Variants in ZZEF1 observed in about 807,000 individuals in gnomAD.
ZZEF1 encodes zinc finger ZZ-type and EF-hand domain-containing protein 1.
A neutral mutation model predicts 342.8 loss-of-function variants in ZZEF1; 157 were observed. That is an observed-to-expected ratio of 0.46 (90% CI 0.40 to 0.52). The LOEUF (loss-of-function observed/expected upper bound fraction) is 0.52, where lower values mean the gene tolerates loss of function less well. Ranked by LOEUF, ZZEF1 falls within the 20% of genes least tolerant of loss-of-function variation. The pLI is 0.00. For synonymous variants in ZZEF1, 1,505 were observed against 1,429.1 expected, an observed-to-expected ratio of 1.05 and a Z score of -1.20; for missense variants, 3,480 against 3,725.6, an observed-to-expected ratio of 0.93 and a Z score of 1.72.
chr17:4,015,604 A>C (rs2144948251), intron 49 of ZZEF1, among the ~76,000 whole-genome samples: 1 of 152,338 alleles, frequency 6.6e-6, no homozygotes, highest in Non-Finnish European at 1.5e-5. Flanking sequence ...GTCTCTACTA[A>C]AAATACAAAA....
intron 37 of ZZEF1, 96 bp downstream of exon 37, chr17:4,049,612 G>A: frequency 6.8e-7 from 1 of 1,464,184 alleles, no homozygotes; most frequent in Non-Finnish European, 9.3e-7. Context: ...TGGGTTAGGA[G>A]TCTGTGCTCT....
chr17:4,016,500 G>A lies in ZZEF1; in HGVS notation c.8002-34C>T, dbSNP rs766671344. 5.7e-6 allele frequency: 9 copies of A among 1,578,004 alleles called. No individual in the cohort carries two copies. The highest frequency in any genetic ancestry group is 2.3e-5 in the South Asian group (2 of 87,060). ...AAGCAGACAGATAAGGTCAGGGCCTGCAAGTGGCATCAGGAAGAAGGGACA... is the reference window on the plus strand; with the variant it reads ...AAGCAGACAGATAAGGTCAGGGCCTACAAGTGGCATCAGGAAGAAGGGACA... On this transcript the variant is annotated intron_variant, in intron 48 of 54. Coordinates refer to ENST00000381638, the MANE Select transcript of ZZEF1 (RefSeq NM_015113.4). This position sits in a 1 kb window ranked among gnomAD's most constrained non-coding sequence, Gnocchi z 4.4.
chr17:4,102,876 T>G (rs1157688067), intron 8 of ZZEF1, among the ~76,000 whole-genome samples: 1 of 151,910 alleles, frequency 6.6e-6, no homozygotes. Context: ...TTCAGAACAC[T>G]TGGCTTTGGC....
At chr17:4,048,386 C>A (rs2056971535) in intron 37 of ZZEF1, among the ~76,000 whole-genome samples, 1 of 152,184 alleles carries the variant, frequency 6.6e-6, no homozygotes, top group Non-Finnish European at 1.5e-5. Flanking sequence ...TGAGCTACAA[C>A]CACCAGATGG....
Position 4,022,844 on chromosome 17 carries a change from A to G in ZZEF1, c.7093-16T>C, listed in dbSNP as rs1479823946. 15 of 1,613,206 alleles carry G rather than the reference A, an allele frequency of 9.3e-6. No homozygotes were observed. In the South Asian group the frequency reaches 1.5e-4, roughly 17 times the overall value. The stretch of plus-strand genomic sequence containing the variant: ...AACCGTGAGCCTGCCAAGCAGAAGA[A>G]GAATGATGTGTGACTGCCTTGGAGT... On this transcript the variant is annotated splice_polypyrimidine_tract_variant and intron_variant, in intron 43 of 54. Transcript: ENST00000381638.
At chr17:4,116,916 C>T (rs977935213) in intron 3 of ZZEF1, 56 bp downstream of exon 3, 9 of 1,480,924 alleles carry the variant, frequency 6.1e-6, no homozygotes, top group Non-Finnish European at 8.1e-6. Context: ...TTTACCAACA[C>T]AACAGTTAGA....
rs2056608809 is a variant in ZZEF1, at chr17:4,034,102, A to G, written c.6497T>C (p.Leu2166Pro). ...AATGGAACTGTCCCCTGCAGCAAACAGGTTGTGTTTGGCTGAGAGGACTTT... is the reference window on the plus strand; with the variant it reads ...AATGGAACTGTCCCCTGCAGCAAACGGGTTGTGTTTGGCTGAGAGGACTTT... ...VIKVLSAKHNLFAAGDSSIVP... is the reference protein window; with the variant it reads ...VIKVLSAKHNPFAAGDSSIVP... Residue 2166 changes from leucine to proline, a missense_variant, in exon 40 of 55, where the codon CTG (leucine) becomes CCG (proline). Coordinates refer to ENST00000381638, the MANE Select transcript of ZZEF1 (RefSeq NM_015113.4). The G allele has an allele frequency of 6.2e-7, 1 of 1,614,198 alleles. No homozygotes were observed. The highest frequency in any genetic ancestry group is 1.1e-5 in the South Asian group (1 of 91,086).
chr17:4,123,739 G>A (rs1044847441), intron 2 of ZZEF1, among the ~76,000 whole-genome samples, 168 bp downstream of exon 2: 8 of 152,110 alleles, frequency 5.3e-5, no homozygotes, highest in African/African-American at 1.9e-4. Flanking sequence ...AGCCACCACC[G>A]TACTGGGGAT....
intron 19 of ZZEF1, 86 bp downstream of exon 19, chr17:4,077,797 T>G: frequency 7.0e-7 from 1 of 1,418,842 alleles, no homozygotes; most frequent in Non-Finnish European, 9.7e-7. Flanking sequence ...ATATGCACAC[T>G]CATTGCATGA....
chr17:4,027,379 C>T (rs917957011), intron 42 of ZZEF1, among the ~76,000 whole-genome samples: 1 of 147,518 alleles, frequency 6.8e-6, no homozygotes, highest in South Asian at 2.1e-4. Flanking sequence ...ACTGCAACCT[C>T]CGCCTCCCTG....
At chr17:4,024,389 G>T (rs893721757) in intron 43 of ZZEF1, among the ~76,000 whole-genome samples, 1 of 151,850 alleles carries the variant, frequency 6.6e-6, no homozygotes, top group Non-Finnish European at 1.5e-5. Flanking sequence ...AGTAGAGATG[G>T]AGTTTTGCCA....
intron 39 of ZZEF1, among the ~76,000 whole-genome samples, chr17:4,040,139 T>G (rs2056772896): frequency 6.6e-6 from 1 of 152,200 alleles, no homozygotes; most frequent in Non-Finnish European, 1.5e-5. Flanking sequence ...TGCAGCAATG[T>G]CACAGGGGTC....
At chr17:4,088,050 T>C (rs1028523812) in intron 13 of ZZEF1, among the ~76,000 whole-genome samples, 1 of 152,182 alleles carries the variant, frequency 6.6e-6, no homozygotes, top group African/African-American at 2.4e-5. Flanking sequence ...AAACCTTATA[T>C]GAACTGAGTC....
rs111896003 is a variant in ZZEF1, at chr17:4,042,848, A to C, written c.6167-280T>G. On this transcript the variant is annotated intron_variant, in intron 38 of 54. Transcript: ENST00000381638. ...AGGCGTGCGCCACCTTGCTCAGCTA[A>C]TTTTTGTATTTTTAGTAGAGACGGG... Among the ~76,000 whole-genome samples, 1,011 of 152,202 alleles carry C rather than the reference A, an allele frequency of 6.6e-3. 6 individuals are homozygous for C. Among genetic ancestry groups the C allele is most frequent in the Middle Eastern group, 0.02 (6 of 294 alleles).
At chr17:4,038,493 C>T (rs937444908) in intron 39 of ZZEF1, among the ~76,000 whole-genome samples, 2 of 152,122 alleles carry the variant, frequency 1.3e-5, no homozygotes, top group Non-Finnish European at 2.9e-5. Context: ...ATCTCACAAA[C>T]ATAATGTTGA....
At chr17:4,019,551 C>T (rs929143329) in intron 46 of ZZEF1, 118 bp downstream of exon 46, 29 of 886,780 alleles carry the variant, frequency 3.3e-5, no homozygotes, top group African/African-American at 3.5e-5. Flanking sequence ...CTAGCAACTG[C>T]TTCCCGGCCT....
intron 40 of ZZEF1, 163 bp downstream of exon 40, chr17:4,033,852 G>T: frequency 1.1e-6 from 1 of 908,172 alleles, no homozygotes; most frequent in Non-Finnish European, 1.7e-6. Context: ...TTTAATGTGG[G>T]TTGACAGCAT....
At chr17:4,090,645 G>C in intron 12 of ZZEF1, 74 bp downstream of exon 12, 2 of 1,217,734 alleles carry the variant, frequency 1.6e-6, no homozygotes, top group South Asian at 2.4e-5. Flanking sequence ...TTGGCACAGG[G>C]CTGATACACA....
chr17:4,061,561 T>C (rs1054444395), intron 30 of ZZEF1, among the ~76,000 whole-genome samples: 2 of 152,216 alleles, frequency 1.3e-5, no homozygotes, highest in African/African-American at 2.4e-5. Flanking sequence ...TATCTTTACT[T>C]GGTATCTTTA....
Sources: gnomAD v4.1 joint callset for allele counts (sites outside exome capture counted in the v4.1 genomes callset) on GRCh38, gnomAD v4.1.1 for gene constraint, Gnocchi (gnomAD v3.1) non-coding constraint, MANE v1.5 for transcripts, NCBI Gene and HGNC (gene_info 2026-07-23, HGNC 2026-07-21) for gene names.